The following STK3 variants were observed in gnomAD, a reference collection of about 807,000 sequenced individuals.
STK3 encodes serine/threonine-protein kinase 3.
Under a neutral mutation model 58.0 loss-of-function variants are expected in STK3, and 41 were observed. The ratio of observed to expected loss-of-function variants is 0.71; its 90% CI spans 0.55 to 0.92. STK3 has a LOEUF of 0.92. STK3 is among the 40% of genes least tolerant of loss of function. The pLI is 0.00. For synonymous variants in STK3, 170 were observed against 191.0 expected (o/e 0.89, Z 0.91); for missense variants, 479 against 602.7 (o/e 0.79, Z 2.15).
intron 3 of STK3, among the ~76,000 whole-genome samples, chr8:98,417,919 A>T (rs181211143): frequency 1.5e-4 from 23 of 152,086 alleles, no homozygotes; most frequent in Admixed American, 6.5e-4. Context: ...TAATTAATTA[A>T]TTTTTTTAGA....
At chr8:98,687,487 C>T (rs971979696) in intron 6 of STK3, among the ~76,000 whole-genome samples, 6 of 152,258 alleles carry the variant, frequency 3.9e-5, no homozygotes, top group South Asian at 2.1e-4. Context: ...CTGTGTGACC[C>T]GGTTCCTAAC....
At chr8:98,420,688 T>A (rs13277704) in intron 3 of STK3, among the ~76,000 whole-genome samples, 104,088 of 151,950 alleles carry the variant, frequency 0.69, 37,268 homozygotes, top group Admixed American at 0.82. Context: ...CATGTTTGAG[T>A]CTAAACACCC....
the STK3 span, among the ~76,000 whole-genome samples, chr8:98,354,885 C>A: frequency 6.6e-6 from 1 of 152,202 alleles, no homozygotes; most frequent in Non-Finnish European, 1.5e-5. Flanking sequence ...TCAAGCGATT[C>A]TCCTGCCTCA....
At chr8:98,895,607 C>T (rs1366591517) in intron 1 of STK3, among the ~76,000 whole-genome samples, 2 of 152,102 alleles carry the variant, frequency 1.3e-5, no homozygotes, top group African/African-American at 4.8e-5. Flanking sequence ...AACAAAGAAG[C>T]GTATGGCTTG....
chr8:98,920,565 G>C (rs1365051923), intron 1 of STK3, among the ~76,000 whole-genome samples: 1 of 152,226 alleles, frequency 6.6e-6, no homozygotes, highest in Non-Finnish European at 1.5e-5. Flanking sequence ...AAGTGGTGCA[G>C]CCGTTGTTTG....
At chr8:98,730,907 A>G (rs569498305) in intron 4 of STK3, among the ~76,000 whole-genome samples, 1 of 152,202 alleles carries the variant, frequency 6.6e-6, no homozygotes, top group Admixed American at 6.5e-5. Context: ...ATCGACATTT[A>G]AATATGCTTC....
chr8:98,778,939 G>C (rs1831905942), intron 1 of STK3: 3 of 152,040 alleles, frequency 2.0e-5, no homozygotes, highest in African/African-American at 7.3e-5. Context: ...TAAATGACGA[G>C]TTAATGGGTG....
chr8:98,755,970 T>A (rs1259048721), intron 3 of STK3, among the ~76,000 whole-genome samples: 1 of 151,824 alleles, frequency 6.6e-6, no homozygotes, highest in East Asian at 1.9e-4. Context: ...TGAAACCCTG[T>A]CTCTACTAAA....
Position 98,717,083 on chromosome 8 carries a change from CAG to C in STK3, c.352-9774_352-9773del, listed in dbSNP as rs539587862. Among the ~76,000 whole-genome samples the C allele has an allele frequency of 7.4e-3, 1,126 of 151,566 alleles. 7 individuals carry two copies. The highest frequency in any genetic ancestry group is 0.012 in the Non-Finnish European group (799 of 67,816). On this transcript the variant is annotated intron_variant, in intron 4 of 10. Transcript: ENST00000419617. Reference sequence around the variant, plus strand: ...ATACCACTCTTGGGAAAAAATAAAACAGGGCAAAAACCTCATGATACCAGATT... The same window carrying C: ...ATACCACTCTTGGGAAAAAATAAAACGGCAAAAACCTCATGATACCAGATT...
intron 1 of STK3, among the ~76,000 whole-genome samples, chr8:98,893,466 GAAAGAAAGAAAGAAAGAA>G (rs1838299464): frequency 1.2e-5 from 1 of 84,674 alleles, no homozygotes; most frequent in African/African-American, 5.6e-5. Flanking sequence ...AAGAAAGAAA[GAAAGAAAGAAAGAAAGAA>G]AGAGAAAGAA....
intron 3 of STK3, among the ~76,000 whole-genome samples, chr8:98,833,164 A>G (rs1395955479): frequency 1.3e-5 from 2 of 152,172 alleles, no homozygotes; most frequent in Non-Finnish European, 2.9e-5. Context: ...ATCAATATAC[A>G]TAAAGTTTAT....
At chr8:98,921,018 T>C (rs578066908) in intron 1 of STK3, among the ~76,000 whole-genome samples, 1 of 152,360 alleles carries the variant, frequency 6.6e-6, no homozygotes, top group African/African-American at 2.4e-5. Context: ...AGAATCCCTA[T>C]ATCTATTTAG....
chr8:98,424,723 A>G (rs1403629595), intron 3 of STK3, among the ~76,000 whole-genome samples: 2 of 152,216 alleles, frequency 1.3e-5, no homozygotes, highest in African/African-American at 2.4e-5. Context: ...GCCCTGGAGG[A>G]ATCAAACTCA....
intron 4 of STK3, among the ~76,000 whole-genome samples, chr8:98,716,323 T>A (rs1005971157): frequency 4.6e-5 from 7 of 151,860 alleles, no homozygotes; most frequent in Admixed American, 1.3e-4. Context: ...AAAGTAGCAG[T>A]ATACAAAATC....
At chr8:98,417,719 T>A (rs1818130909) in intron 3 of STK3, among the ~76,000 whole-genome samples, 1 of 152,110 alleles carries the variant, frequency 6.6e-6, no homozygotes. Context: ...ACGTTAATCC[T>A]TATAACAGTG....
chr8:98,412,051 T>C (rs1045404032), intron 3 of STK3, among the ~76,000 whole-genome samples: 1 of 152,202 alleles, frequency 6.6e-6, no homozygotes, highest in Non-Finnish European at 1.5e-5. Context: ...AGCCACTCTT[T>C]GCCAAAAGTT....
intron 6 of STK3, among the ~76,000 whole-genome samples, chr8:98,682,817 G>A (rs1230151854): frequency 3.3e-5 from 5 of 151,998 alleles, no homozygotes; most frequent in Non-Finnish European, 7.4e-5. Flanking sequence ...ATTTTTAAGT[G>A]TTATACACAT....
chr8:98,716,424 G>T (rs1037759998), intron 4 of STK3, among the ~76,000 whole-genome samples: 1 of 151,740 alleles, frequency 6.6e-6, no homozygotes, highest in East Asian at 1.9e-4. Flanking sequence ...AATAGAAATA[G>T]AATTTCTTTA....
chr8:98,594,048 C>G (rs1815583301), intron 7 of STK3, among the ~76,000 whole-genome samples: 2 of 152,154 alleles, frequency 1.3e-5, no homozygotes, highest in African/African-American at 4.8e-5. Flanking sequence ...TAGCTCACGC[C>G]TATAATCCCA....
Sources: gnomAD v4.1 joint callset for allele counts (sites outside exome capture counted in the v4.1 genomes callset) on GRCh38, gnomAD v4.1.1 for gene constraint, MANE v1.5 for transcripts, NCBI Gene and HGNC (gene_info 2026-07-23, HGNC 2026-07-21) for gene names.